Variants in MCUB observed in about 807,000 individuals in gnomAD.
MCUB encodes mitochondrial calcium uniporter dominant negative subunit beta.
Under a neutral mutation model 41.4 loss-of-function variants are expected in MCUB, and 46 were observed. That is an observed-to-expected ratio of 1.11 (90% CI 0.88 to 1.42). MCUB has a LOEUF of 1.42. MCUB is among the 40% of genes most tolerant of loss of function. The pLI is 0.00. For missense variants in MCUB, 403 were observed against 404.9 expected (o/e 1.00, Z 0.04); for synonymous variants, 148 against 148.2 (o/e 1.00, Z 0.01).
At chr4:109,590,065 A>C (rs1020169309) in intron 1 of MCUB, among the ~76,000 whole-genome samples, 4 of 152,180 alleles carry the variant, frequency 2.6e-5, no homozygotes, top group Admixed American at 6.5e-5. Flanking sequence ...ATTAAGACAA[A>C]TTCATATCAA....
At chr4:109,641,267 ATTT>A (rs70954174) in intron 1 of MCUB, among the ~76,000 whole-genome samples, 16 of 136,734 alleles carry the variant, frequency 1.2e-4, no homozygotes, top group Non-Finnish European at 1.1e-4. Context: ...TACTTTTTGT[ATTT>A]TTTTTTTTTT....
intron 1 of MCUB, among the ~76,000 whole-genome samples, chr4:109,575,647 A>T (rs1727009669): frequency 6.6e-6 from 1 of 152,190 alleles, no homozygotes; most frequent in Non-Finnish European, 1.5e-5. Context: ...TTATGTGAAA[A>T]CTGACACCAA....
chr4:109,586,258 G>C (rs968710915), intron 1 of MCUB, among the ~76,000 whole-genome samples: 15 of 152,094 alleles, frequency 9.9e-5, no homozygotes, highest in African/African-American at 3.6e-4. Flanking sequence ...ATTGAAGCTT[G>C]TGTGTGTGTC....
chr4:109,655,605 G>A (rs1352741010), intron 1 of MCUB, among the ~76,000 whole-genome samples: 1 of 152,108 alleles, frequency 6.6e-6, no homozygotes, highest in Non-Finnish European at 1.5e-5. Context: ...AATGCTTCAT[G>A]GTTAAAGAGA....
At chr4:109,587,072 T>C (rs967113136) in intron 1 of MCUB, among the ~76,000 whole-genome samples, 6 of 152,258 alleles carry the variant, frequency 3.9e-5, no homozygotes, top group Non-Finnish European at 5.9e-5. Context: ...AGGTGGAGTC[T>C]ACAGAGGCAG....
intron 1 of MCUB, among the ~76,000 whole-genome samples, chr4:109,567,989 G>A (rs1409639313): frequency 2.6e-5 from 4 of 152,112 alleles, no homozygotes; most frequent in African/African-American, 7.2e-5. Flanking sequence ...GTGGGCCACC[G>A]CTCCTGGCCT....
chr4:109,663,093 A>G (rs1283712148), intron 3 of MCUB, among the ~76,000 whole-genome samples: 2 of 152,194 alleles, frequency 1.3e-5, no homozygotes, highest in Non-Finnish European at 2.9e-5. Flanking sequence ...TTTCTTCGGG[A>G]TGTTACTAGT....
chr4:109,585,515 C>G (rs1295599042), intron 1 of MCUB, among the ~76,000 whole-genome samples: 1 of 152,074 alleles, frequency 6.6e-6, no homozygotes, highest in Non-Finnish European at 1.5e-5. Context: ...TTATTTTACC[C>G]GTTAGTTGAT....
intron 1 of MCUB, among the ~76,000 whole-genome samples, chr4:109,587,312 G>C (rs1727331955): frequency 6.6e-6 from 1 of 152,246 alleles, no homozygotes; most frequent in Non-Finnish European, 1.5e-5. Flanking sequence ...AAGACTGTTG[G>C]AAAAGTGCAG....
intron 1 of MCUB, among the ~76,000 whole-genome samples, chr4:109,585,934 C>A (rs1727296058): frequency 6.6e-6 from 1 of 152,074 alleles, no homozygotes; most frequent in Admixed American, 6.6e-5. Flanking sequence ...TGGGGTTGCT[C>A]TTCTTGAGGA....
chr4:109,660,430 G>A, intron 3 of MCUB, 65 bp downstream of exon 3: 1 of 840,358 alleles, frequency 1.2e-6, no homozygotes. Flanking sequence ...CTTTTGTTTG[G>A]TTCTTTACTT....
intron 1 of MCUB, among the ~76,000 whole-genome samples, chr4:109,629,519 T>G (rs1728430059): frequency 6.6e-6 from 1 of 152,210 alleles, no homozygotes; most frequent in Admixed American, 6.5e-5. Flanking sequence ...TACCTGGAGA[T>G]AGCTTCCCAT....
chr4:109,560,696 CGA>C (rs1726603900), intron 1 of MCUB, among the ~76,000 whole-genome samples: 1 of 152,064 alleles, frequency 6.6e-6, no homozygotes, highest in African/African-American at 2.4e-5. Context: ...TCACCCGGGC[CGA>C]GATAGGGTGC....
intron 1 of MCUB, among the ~76,000 whole-genome samples, chr4:109,564,717 ACT>A (rs1235880879): frequency 6.6e-6 from 1 of 152,148 alleles, no homozygotes; most frequent in African/African-American, 2.4e-5. Context: ...GACACAGGAA[ACT>A]CTCAGAACAA....
At chr4:109,638,411 TA>T (rs60114567) in intron 1 of MCUB, among the ~76,000 whole-genome samples, 14,572 of 138,196 alleles carry the variant, frequency 0.11, 784 homozygotes, top group Middle Eastern at 0.12. Context: ...GCATTATATC[TA>T]AAAAAAAAAA....
intron 7 of MCUB, among the ~76,000 whole-genome samples, chr4:109,686,537 A>G (rs1729841399): frequency 6.6e-6 from 1 of 152,212 alleles, no homozygotes; most frequent in Admixed American, 6.5e-5. Flanking sequence ...TATTTGAATA[A>G]TCCTATCTGA....
At chr4:109,660,661 A>G (rs1335410892) in intron 3 of MCUB, among the ~76,000 whole-genome samples, 1 of 152,116 alleles carries the variant, frequency 6.6e-6, no homozygotes, top group African/African-American at 2.4e-5. Context: ...TACTAAAAAC[A>G]CAAAATTAGC....
At chr4:109,597,365 ACCCCCCCAC>A (rs1727585625) in intron 1 of MCUB, among the ~76,000 whole-genome samples, 8 of 105,670 alleles carry the variant, frequency 7.6e-5, no homozygotes, top group South Asian at 6.3e-4. Context: ...CGGGGGGCTG[ACCCCCCCAC>A]CTCCCTCCCG....
intron 1 of MCUB, among the ~76,000 whole-genome samples, chr4:109,597,775 G>C (rs561346023): frequency 6.7e-6 from 1 of 150,024 alleles, no homozygotes; most frequent in Admixed American, 6.6e-5. Context: ...GCTGCCGGGC[G>C]GAGAGGCTCC....
Sources: allele counts gnomAD v4.1 joint callset (sites outside exome capture counted in the v4.1 genomes callset), GRCh38; gene constraint gnomAD v4.1.1; transcripts MANE v1.5; gene names NCBI Gene and HGNC (gene_info 2026-07-23, HGNC 2026-07-21).